The following GPATCH2 variants were observed in gnomAD, a reference collection of about 807,000 sequenced individuals.
GPATCH2 encodes the protein G-patch domain containing 2, also known as G patch domain-containing protein 2.
In GPATCH2, 51 loss-of-function variants were observed where a neutral mutation model predicts 58.0. That is an observed-to-expected ratio of 0.88 (90% CI 0.70 to 1.11). The LOEUF is 1.11. GPATCH2 is among the 50% of genes most tolerant of loss of function. GPATCH2 has a pLI of 0.00. For synonymous variants in GPATCH2, 222 were observed against 218.5 expected, an observed-to-expected ratio of 1.02 and a Z score of -0.14; for missense variants, 625 against 652.2, an observed-to-expected ratio of 0.96 and a Z score of 0.45.
chr1:217,445,959 A>G (rs911033069), intron 9 of GPATCH2, among the ~76,000 whole-genome samples: 1 of 152,146 alleles, frequency 6.6e-6, no homozygotes, highest in Non-Finnish European at 1.5e-5. Flanking sequence ...TTTATTATGA[A>G]TACAATTTAT....
At chr1:217,611,098 C>CG (rs1553353195) in intron 3 of GPATCH2, 27 bp from the exon 4 acceptor site, 1 of 1,577,716 alleles carries the variant, frequency 6.3e-7, no homozygotes, top group South Asian at 1.2e-5. Context: ...AACCCCCCCC[C>CG]ACCAAAGACT....
At position 217,430,203 on chromosome 1, in the gene GPATCH2, C is replaced by T. The variant is rs1293787011; in HGVS notation, c.*942G>A. 1 of 151,996 alleles carries T rather than the reference C, an allele frequency of 6.6e-6. No individual in the cohort carries two copies. Among genetic ancestry groups the T allele is most frequent in the Non-Finnish European group, 1.5e-5 (1 of 68,008 alleles). The allele number at this position is 151,996 out of a possible 1,614,324, so 9.4% of individuals were successfully genotyped here. ...ACCTTCTAAATGGGTTGGGTCATTG[C>T]CAGAAATCTGAGTTCTGGGAGAGCC... On this transcript the variant is annotated 3_prime_UTR_variant, in exon 10 of 10. Coordinates refer to ENST00000366935, the MANE Select transcript of GPATCH2 (RefSeq NM_018040.5).
At chr1:217,507,844 T>C (rs142708033) in intron 6 of GPATCH2, among the ~76,000 whole-genome samples, 64 of 152,242 alleles carry the variant, frequency 4.2e-4, no homozygotes, top group African/African-American at 1.4e-3. Context: ...GAGCGATGTG[T>C]AGTGTGTAAC....
chr1:217,521,190 C>T (rs1375247749), intron 5 of GPATCH2, among the ~76,000 whole-genome samples: 1 of 152,068 alleles, frequency 6.6e-6, no homozygotes. Context: ...TTTTCATAAA[C>T]AATGTGCCTA....
At chr1:217,508,590 GA>G (rs1662681303) in intron 6 of GPATCH2, among the ~76,000 whole-genome samples, 1 of 152,104 alleles carries the variant, frequency 6.6e-6, no homozygotes, top group Admixed American at 6.6e-5. Context: ...ACCATGTACA[GA>G]GTACATAAAT....
chr1:217,571,556 A>G (rs1666540463), intron 5 of GPATCH2, among the ~76,000 whole-genome samples: 1 of 151,864 alleles, frequency 6.6e-6, no homozygotes, highest in African/African-American at 2.4e-5. Flanking sequence ...AAAAAGGTAC[A>G]AGGGTTTGGA....
At chr1:217,545,189 C>T (rs774318592) in intron 5 of GPATCH2, among the ~76,000 whole-genome samples, 16 of 152,330 alleles carry the variant, frequency 1.1e-4, no homozygotes, top group African/African-American at 2.6e-4. Flanking sequence ...TTCTCACAGG[C>T]GGCTACAATA....
At chr1:217,462,831 T>G (rs1042920658) in intron 8 of GPATCH2, among the ~76,000 whole-genome samples, 1 of 152,240 alleles carries the variant, frequency 6.6e-6, no homozygotes, top group Non-Finnish European at 1.5e-5. Flanking sequence ...GAGTGTGGAC[T>G]GTGCAGCCCA....
At chr1:217,491,791 T>A (rs773171773) in intron 7 of GPATCH2, 41 bp from the exon 8 acceptor site, 2 of 746,638 alleles carry the variant, frequency 2.7e-6, no homozygotes, top group African/African-American at 3.6e-5. Context: ...AACAAAAATA[T>A]TTTCATTATA....
chr1:217,502,822 G>T (rs572401388), intron 6 of GPATCH2, among the ~76,000 whole-genome samples: 25 of 152,198 alleles, frequency 1.6e-4, no homozygotes, highest in African/African-American at 6.0e-4. Flanking sequence ...CTGAAGAAAA[G>T]AAAGATTTAC....
intron 8 of GPATCH2, among the ~76,000 whole-genome samples, chr1:217,482,247 A>G (rs752453191): frequency 6.6e-6 from 1 of 152,206 alleles, no homozygotes; most frequent in Non-Finnish European, 1.5e-5. Context: ...AGCGCCAGGC[A>G]CTGTTTTTGG....
intron 5 of GPATCH2, among the ~76,000 whole-genome samples, chr1:217,520,892 T>A (rs1663418665): frequency 6.6e-6 from 1 of 152,224 alleles, no homozygotes; most frequent in Non-Finnish European, 1.5e-5. Context: ...GCGTGAGTAC[T>A]CACAACTCAT....
chr1:217,464,066 T>C (rs1035092689), intron 8 of GPATCH2, among the ~76,000 whole-genome samples: 5 of 152,148 alleles, frequency 3.3e-5, no homozygotes, highest in Admixed American at 6.5e-5. Flanking sequence ...CCTGACCACT[T>C]AGCACTCTAA....
chr1:217,443,399 A>G (rs1659237914), intron 9 of GPATCH2, among the ~76,000 whole-genome samples: 1 of 152,140 alleles, frequency 6.6e-6, no homozygotes, highest in South Asian at 2.1e-4. Flanking sequence ...TAAGTTTGCT[A>G]CCGGTACAAT....
At chr1:217,557,611 T>G (rs908544464) in intron 5 of GPATCH2, among the ~76,000 whole-genome samples, 1 of 152,196 alleles carries the variant, frequency 6.6e-6, no homozygotes, top group South Asian at 2.1e-4. Context: ...TGCTATCAGA[T>G]AGAGATTCCA....
intron 5 of GPATCH2, among the ~76,000 whole-genome samples, chr1:217,539,899 A>C (rs965711599): frequency 4.6e-5 from 4 of 86,258 alleles, no homozygotes; most frequent in Non-Finnish European, 1.1e-4. Flanking sequence ...ATTTATAAAA[A>C]AACTTAATGA....
chr1:217,583,958 T>A (rs1667199242), intron 5 of GPATCH2, among the ~76,000 whole-genome samples: 2 of 151,992 alleles, frequency 1.3e-5, no homozygotes, highest in Non-Finnish European at 2.9e-5. Flanking sequence ...ACAAAGCTAG[T>A]TTCAGATTTA....
intron 5 of GPATCH2, among the ~76,000 whole-genome samples, chr1:217,564,438 C>A (rs970125237): frequency 6.6e-6 from 1 of 152,158 alleles, no homozygotes; most frequent in Non-Finnish European, 1.5e-5. Context: ...GGTGTGTTTT[C>A]TCATTTAATA....
intron 6 of GPATCH2, among the ~76,000 whole-genome samples, chr1:217,501,907 T>G (rs1662324381): frequency 6.6e-6 from 1 of 152,118 alleles, no homozygotes; most frequent in Non-Finnish European, 1.5e-5. Context: ...TGTAGCTTCT[T>G]TTCATTCTTT....
Sources: allele counts gnomAD v4.1 joint callset (sites outside exome capture counted in the v4.1 genomes callset), GRCh38; gene constraint gnomAD v4.1.1; transcripts MANE v1.5; gene names NCBI Gene and HGNC (gene_info 2026-07-23, HGNC 2026-07-21).